The following STAP1 variants were observed in gnomAD, a reference collection of about 807,000 sequenced individuals.
STAP1 encodes signal-transducing adaptor protein 1.
In STAP1, 30 loss-of-function variants were observed where a neutral mutation model predicts 37.8. That is an observed-to-expected ratio of 0.79 (90% CI 0.59 to 1.08). STAP1 has a LOEUF of 1.08. STAP1 is among the 50% of genes least tolerant of loss of function. The probability of loss-of-function intolerance (pLI) is 0.00; values close to 1 mark genes in which losing one functional copy is unlikely to be tolerated. For synonymous variants in STAP1, 130 were observed against 116.0 expected, an observed-to-expected ratio of 1.12 and a Z score of -0.78; for missense variants, 357 against 349.4, an observed-to-expected ratio of 1.02 and a Z score of -0.17.
In STAP1 at chr4:67,579,339, A is replaced by G. The variant is rs535456513; in HGVS notation, c.364-1966A>G. On this transcript the variant is annotated intron_variant, in intron 4 of 8. Coordinates refer to ENST00000265404, the MANE Select transcript of STAP1 (RefSeq NM_012108.4). ...GAAAGAGCTGAGACATTGCTTTTGA[A>G]TCAAATAAACCCCAGTTTGGGTCCT... Among the ~76,000 whole-genome samples, 5 of 152,296 alleles carry G rather than the reference A, an allele frequency of 3.3e-5. No homozygotes were observed. The South Asian group carries it at 1.0e-3, about 32-fold the overall frequency.
At chr4:67,600,906 G>A (rs1323233247) in intron 8 of STAP1, among the ~76,000 whole-genome samples, 1 of 152,122 alleles carries the variant, frequency 6.6e-6, no homozygotes, top group Non-Finnish European at 1.5e-5. Flanking sequence ...AGATCAGTGA[G>A]TCTTGTTTTT....
At chr4:67,605,828 G>A (rs773814077) in intron 8 of STAP1, among the ~76,000 whole-genome samples, 3 of 152,180 alleles carry the variant, frequency 2.0e-5, no homozygotes, top group Non-Finnish European at 4.4e-5. Flanking sequence ...TCAAACTTGG[G>A]AAATGGGAGT....
intron 1 of STAP1, among the ~76,000 whole-genome samples, chr4:67,559,922 T>C (rs1055558539): frequency 1.3e-5 from 2 of 152,204 alleles, no homozygotes; most frequent in African/African-American, 2.4e-5. Context: ...CATGGTAATT[T>C]GTATTCTGTT....
intron 1 of STAP1, among the ~76,000 whole-genome samples, chr4:67,566,261 T>C (rs1727468992): frequency 6.6e-6 from 1 of 152,034 alleles, no homozygotes. Flanking sequence ...TTCCCTCTTT[T>C]TTACATTTTT....
intron 1 of STAP1, among the ~76,000 whole-genome samples, chr4:67,559,467 C>A (rs1415128106): frequency 6.6e-6 from 1 of 151,996 alleles, no homozygotes; most frequent in Non-Finnish European, 1.5e-5. Context: ...AAATACTATT[C>A]AAGATAGTGA....
At chr4:67,573,633 A>G (rs1380838494) in intron 2 of STAP1, among the ~76,000 whole-genome samples, 1 of 152,194 alleles carries the variant, frequency 6.6e-6, no homozygotes, top group Non-Finnish European at 1.5e-5. Flanking sequence ...TAAAATTGAC[A>G]TATAAAATTG....
At chr4:67,599,858 T>A (rs1728303749) in intron 8 of STAP1, among the ~76,000 whole-genome samples, 1 of 152,080 alleles carries the variant, frequency 6.6e-6, no homozygotes. Context: ...GCCAGGCTGG[T>A]CTCGAACTCC....
chr4:67,585,697 T>C (rs1425099267), intron 6 of STAP1, among the ~76,000 whole-genome samples: 1 of 152,250 alleles, frequency 6.6e-6, no homozygotes, highest in African/African-American at 2.4e-5. Context: ...ATTTTTCAAT[T>C]ACAACCTAAT....
intron 4 of STAP1, among the ~76,000 whole-genome samples, chr4:67,580,940 T>G (rs1360594589): frequency 3.9e-5 from 6 of 152,192 alleles, no homozygotes; most frequent in African/African-American, 1.4e-4. Context: ...GTGAGGTACC[T>G]TGAAGGTGTT....
Position 67,575,481 on chromosome 4 carries a change from G to A in STAP1, c.289G>A (p.Glu97Lys), listed in dbSNP as rs568356060. ...GAAATTCACCCTTGTTTTGCCGAAA[G>A]AGGAAGTACAACTGAAGGTGAGCGA... ...CAKFTLVLPK[E>K]EVQLKTENTE... is the part of the protein sequence containing the mutation. The change falls in exon 3 of 9, where the codon GAG becomes AAG. Residue 97 changes from glutamate to lysine, a missense_variant. Transcript: ENST00000265404. The A allele has an allele frequency of 1.2e-6, 2 of 1,610,352 alleles. No individual in the cohort carries two copies. Among genetic ancestry groups the A allele is most frequent in the East Asian group, 4.5e-5 (2 of 44,752 alleles).
At chr4:67,600,382 A>T (rs1184457238) in intron 8 of STAP1, among the ~76,000 whole-genome samples, 4 of 150,606 alleles carry the variant, frequency 2.7e-5, no homozygotes, top group Non-Finnish European at 5.9e-5. Flanking sequence ...TATTACTTCA[A>T]TTTTTTTTTA....
intron 8 of STAP1, among the ~76,000 whole-genome samples, chr4:67,596,553 T>C (rs1053876421): frequency 6.6e-6 from 1 of 152,154 alleles, no homozygotes; most frequent in Admixed American, 6.5e-5. Flanking sequence ...TAGAGACTTA[T>C]TGAATAGTTT....
intron 6 of STAP1, among the ~76,000 whole-genome samples, chr4:67,586,076 ATTGAGTGGTTGATACATTTACACGT>A (rs2109868080): frequency 6.6e-6 from 1 of 152,222 alleles, no homozygotes; most frequent in East Asian, 1.9e-4. Context: ...TCTTGGTCAG[ATTGAGTGGTTGATACATTTACACGT>A]GACCCCTGTC....
intron 1 of STAP1, among the ~76,000 whole-genome samples, chr4:67,562,540 C>T (rs940547330): frequency 7.6e-5 from 11 of 144,930 alleles, no homozygotes; most frequent in African/African-American, 2.8e-4. Flanking sequence ...CCGAGGCGGG[C>T]GGATCACGAG....
Position 67,558,963 on chromosome 4 carries a change from C to G in STAP1, c.120+34C>G, listed in dbSNP as rs1303634177. The G allele has an allele frequency of 8.5e-6, 13 of 1,525,442 alleles. No homozygotes were observed. The East Asian group carries it at 3.1e-4, about 36-fold the overall frequency. The allele number at this position is 1,525,442 out of a possible 1,614,324, so 94.5% of individuals were successfully genotyped here. ...ATAGATGATAATGTTAAACCTAAGA[C>G]TTCTGTTTTAATTTAATATTTATTT... is the stretch of plus-strand genomic sequence containing the variant. On this transcript the variant is annotated intron_variant, in intron 1 of 8. Transcript: ENST00000265404.
At chr4:67,603,145 C>G (rs1046925228) in intron 8 of STAP1, among the ~76,000 whole-genome samples, 2 of 152,096 alleles carry the variant, frequency 1.3e-5, no homozygotes, top group African/African-American at 4.8e-5. Context: ...AGTTTCTCCC[C>G]ATGACTACCA....
intron 7 of STAP1, among the ~76,000 whole-genome samples, chr4:67,592,663 G>A (rs186331918): frequency 6.6e-6 from 1 of 152,208 alleles, no homozygotes; most frequent in African/African-American, 2.4e-5. Flanking sequence ...GCATTTTCTA[G>A]CTAACTTGAG....
intron 8 of STAP1, among the ~76,000 whole-genome samples, chr4:67,594,582 A>C (rs991405551): frequency 3.9e-5 from 6 of 152,168 alleles, no homozygotes; most frequent in African/African-American, 1.4e-4. Context: ...CATTCCTTCA[A>C]CTTCTACATA....
chr4:67,561,721 C>A (rs757189396), intron 1 of STAP1, among the ~76,000 whole-genome samples: 2 of 152,154 alleles, frequency 1.3e-5, no homozygotes, highest in South Asian at 4.1e-4. Context: ...CCATTGGCAT[C>A]GCAGTTCTTA....
Sources: gnomAD v4.1 joint callset for allele counts (sites outside exome capture counted in the v4.1 genomes callset) on GRCh38, gnomAD v4.1.1 for gene constraint, MANE v1.5 for transcripts, NCBI Gene and HGNC (gene_info 2026-07-23, HGNC 2026-07-21) for gene names.